The following YLPM1 variants were observed in gnomAD, a reference collection of about 807,000 sequenced individuals.
YLPM1 encodes the protein YLP motif containing 1.
A neutral mutation model predicts 230.0 loss-of-function variants in YLPM1; 99 were observed. The ratio of observed to expected loss-of-function variants is 0.43; its 90% CI spans 0.37 to 0.51. The LOEUF (loss-of-function observed/expected upper bound fraction) is 0.51. Ranked by LOEUF, YLPM1 falls within the 20% of genes least tolerant of loss-of-function variation. The probability of loss-of-function intolerance (pLI) is 0.00; values close to 1 mark genes in which losing one functional copy is unlikely to be tolerated. For synonymous variants in YLPM1, 984 were observed against 942.5 expected (o/e 1.04, Z -0.81); for missense variants, 2,592 against 2,707.7 (o/e 0.96, Z 0.95).
chr14:74,794,644 C>G (rs914596127), intron 4 of YLPM1, among the ~76,000 whole-genome samples: 1 of 152,034 alleles, frequency 6.6e-6, no homozygotes, highest in South Asian at 2.1e-4. Flanking sequence ...CCTTCTCCAC[C>G]TGATTCACAC....
Position 74,767,172 on chromosome 14 carries a change from G to A in YLPM1, c.873+2810G>A, listed in dbSNP as rs549875855. Among the ~76,000 whole-genome samples the A allele has an allele frequency of 6.6e-5, 10 of 152,202 alleles. No homozygotes were observed. The East Asian group carries it at 1.5e-3, about 24-fold the overall frequency. On this transcript the variant is annotated intron_variant, in intron 1 of 20. Coordinates refer to ENST00000325680, the MANE Select transcript of YLPM1 (RefSeq NM_019589.3). ...GCTGGGATTACAGGCGTGAGCCACCGTGCCCGGCCAAGACCCTTTCTTAGA... is the reference window on the plus strand; with the variant it reads ...GCTGGGATTACAGGCGTGAGCCACCATGCCCGGCCAAGACCCTTTCTTAGA...
intron 1 of YLPM1, among the ~76,000 whole-genome samples, chr14:74,767,095 G>A (rs1216913983): frequency 6.6e-6 from 1 of 151,820 alleles, no homozygotes; most frequent in East Asian, 1.9e-4. Context: ...TGTTGGTCAG[G>A]CTGGTCTTGA....
At chr14:74,775,497 A>G (rs1253750991) in intron 1 of YLPM1, among the ~76,000 whole-genome samples, 2 of 152,208 alleles carry the variant, frequency 1.3e-5, no homozygotes, top group African/African-American at 4.8e-5. Flanking sequence ...AGATAATTGG[A>G]TTAGAAAATA....
rs559683547 is a variant in YLPM1 at position 74,818,332 on chromosome 14, C to T, written c.6030+18C>T. On this transcript the variant is annotated intron_variant, in intron 16 of 20. Coordinates refer to ENST00000325680, the MANE Select transcript of YLPM1 (RefSeq NM_019589.3). ...TTGAAGAGGTGAGTATCCTTTGGTT[C>T]AAATGCAATGCAAAGTGATGTTACT... is the stretch of plus-strand genomic sequence containing the variant. 8.9e-6 allele frequency: 14 copies of T among 1,569,642 alleles called. No individual in the cohort carries two copies. Among genetic ancestry groups the T allele is most frequent in the African/African-American group, 6.8e-5 (5 of 74,016 alleles).
At chr14:74,781,260 T>G in intron 3 of YLPM1, 74 bp from the exon 4 acceptor site, 1 of 1,426,058 alleles carries the variant, frequency 7.0e-7, no homozygotes, top group Non-Finnish European at 9.3e-7. Flanking sequence ...TGCCCTTGAT[T>G]CATTAATATT....
intron 4 of YLPM1, among the ~76,000 whole-genome samples, chr14:74,788,669 C>A (rs557703714): frequency 1.7e-3 from 254 of 152,160 alleles, no homozygotes; most frequent in African/African-American, 5.9e-3. Flanking sequence ...CATAGTGAGA[C>A]CCTGTCTCTA....
At position 74,799,679 on chromosome 14, in the gene YLPM1, A is replaced by G; in HGVS notation, c.4382A>G (p.Gln1461Arg). ...RQHEIILKAA[Q>R]ELKMLREQKE... ...CATGAAATCATTTTGAAAGCTGCAC[A>G]AGAACTGAAAATGCTTCGGTAAGTT... Residue 1461 changes from glutamine to arginine, a missense_variant, in exon 5 of 21, where the codon CAA (glutamine) becomes CGA (arginine). Coordinates refer to ENST00000325680, the MANE Select transcript of YLPM1 (RefSeq NM_019589.3). The G allele has an allele frequency of 1.9e-6, 3 of 1,607,948 alleles. No individual in the cohort carries two copies. Among genetic ancestry groups the G allele is most frequent in the Non-Finnish European group, 2.6e-6 (3 of 1,175,470 alleles).
At chr14:74,788,196 C>T (rs1238977743) in intron 4 of YLPM1, among the ~76,000 whole-genome samples, 1 of 151,606 alleles carries the variant, frequency 6.6e-6, no homozygotes, top group Non-Finnish European at 1.5e-5. Context: ...TCTCAGCTCA[C>T]TACAAGCTCC....
chr14:74,807,047 C>G (rs2091386506), intron 6 of YLPM1, among the ~76,000 whole-genome samples: 1 of 152,084 alleles, frequency 6.6e-6, no homozygotes, highest in Admixed American at 6.5e-5. Context: ...CAAAGTTTAC[C>G]ATGCCATACT....
At chr14:74,816,502 G>A in intron 12 of YLPM1, 69 bp from the exon 13 acceptor site, 1 of 1,524,954 alleles carries the variant, frequency 6.6e-7, no homozygotes. Context: ...GCCACAAGAG[G>A]GAACTTTGGT....
intron 11 of YLPM1, among the ~76,000 whole-genome samples, chr14:74,813,727 A>G (rs1322251413): frequency 1.3e-5 from 2 of 152,182 alleles, no homozygotes; most frequent in African/African-American, 4.8e-5. Flanking sequence ...AGTACCCTGT[A>G]GTAAAGTTAT....
At chr14:74,792,778 C>G (rs1007630928) in intron 4 of YLPM1, among the ~76,000 whole-genome samples, 7 of 152,320 alleles carry the variant, frequency 4.6e-5, no homozygotes, top group Non-Finnish European at 7.3e-5. Flanking sequence ...CAGCATTCCC[C>G]TTGCTGACCC....
chr14:74,816,903 AT>A, intron 13 of YLPM1, 27 bp from the exon 14 acceptor site: 1 of 1,532,602 alleles, frequency 6.5e-7, no homozygotes, highest in Non-Finnish European at 8.7e-7. Flanking sequence ...GCTTTTGCTA[AT>A]TCCATATCTC....
chr14:74,777,616 C>G (rs189542582), intron 1 of YLPM1, among the ~76,000 whole-genome samples: 1 of 151,910 alleles, frequency 6.6e-6, no homozygotes, highest in Non-Finnish European at 1.5e-5. Flanking sequence ...TATGTGTGTA[C>G]AGCATATTCT....
intron 19 of YLPM1, among the ~76,000 whole-genome samples, chr14:74,833,033 C>A (rs1283220117): frequency 7.0e-6 from 1 of 142,398 alleles, no homozygotes; most frequent in Admixed American, 6.9e-5. Flanking sequence ...TTTACTTTTT[C>A]TTTATTCAAT....
intron 4 of YLPM1, among the ~76,000 whole-genome samples, chr14:74,787,394 CT>C (rs2140096385): frequency 6.6e-6 from 1 of 152,038 alleles, no homozygotes; most frequent in South Asian, 2.1e-4. Flanking sequence ...GAAGCCCCAG[CT>C]CTACCAAAAA....
Position 74,816,967 on chromosome 14 carries a change from A to G in YLPM1, c.5722A>G (p.Thr1908Ala). 6.2e-7 allele frequency: 1 copy of G among 1,600,356 alleles called. No individual in the cohort carries two copies. Among genetic ancestry groups the G allele is most frequent in the Non-Finnish European group, 8.5e-7 (1 of 1,175,328 alleles). Residue 1908 changes from threonine (T) to alanine (A), a missense_variant, in exon 14 of 21, where the codon ACT becomes GCT. Transcript: ENST00000325680. ...EYEYEAEMEE[T>A]YRTSMFKTFK... ...TGAATATGAAGCTGAGATGGAGGAG[A>G]CTTACCGCACCAGCATGTTCAAAAC...
chr14:74,810,521 G>C, intron 9 of YLPM1, 101 bp downstream of exon 9: 1 of 1,237,216 alleles, frequency 8.1e-7, no homozygotes, highest in Non-Finnish European at 1.1e-6. Flanking sequence ...TCTCATGCAT[G>C]TGTATATGTA....
intron 4 of YLPM1, among the ~76,000 whole-genome samples, chr14:74,788,956 C>T (rs12887044): frequency 0.7 from 106,120 of 152,048 alleles, 37,180 homozygotes; most frequent in East Asian, 0.78. Context: ...TTTTATATAG[C>T]GTGAGGTAGG....
Sources: gnomAD v4.1 joint callset for allele counts (sites outside exome capture counted in the v4.1 genomes callset) on GRCh38, gnomAD v4.1.1 for gene constraint, MANE v1.5 for transcripts, NCBI Gene and HGNC (gene_info 2026-07-23, HGNC 2026-07-21) for gene names.